The following CCDC146 variants were observed in gnomAD, a reference collection of about 807,000 sequenced individuals.
The protein encoded by CCDC146 is coiled-coil domain containing 146, also known as coiled-coil domain-containing protein 146.
A neutral mutation model predicts 119.3 loss-of-function variants in CCDC146; 92 were observed. The observed-to-expected ratio is 0.77, with a 90% CI of 0.65 to 0.92. The LOEUF is 0.92. Among genes scored for constraint, CCDC146 ranks in the 40% least tolerant of loss-of-function variants. The probability of loss-of-function intolerance (pLI) is 0.00; values close to 1 mark genes in which losing one functional copy is unlikely to be tolerated. For synonymous variants in CCDC146, 372 were observed against 371.8 expected (o/e 1.00, Z -0.01); for missense variants, 1,000 against 1,103.0 (o/e 0.91, Z 1.32).
chr7:77,164,529 G>C (rs1004757471), intron 1 of CCDC146, among the ~76,000 whole-genome samples: 4 of 152,208 alleles, frequency 2.6e-5, no homozygotes, highest in Non-Finnish European at 5.9e-5. Flanking sequence ...GGAGCCTCCT[G>C]ATGGAAGTAT....
At chr7:77,207,209 A>G (rs1792097032) in intron 2 of CCDC146, among the ~76,000 whole-genome samples, 1 of 152,212 alleles carries the variant, frequency 6.6e-6, no homozygotes, top group Non-Finnish European at 1.5e-5. Context: ...GATTGAAAGT[A>G]TAGCATTCTG....
intron 2 of CCDC146, among the ~76,000 whole-genome samples, chr7:77,184,833 C>T (rs1791639501): frequency 1.3e-5 from 2 of 152,132 alleles, no homozygotes; most frequent in South Asian, 4.1e-4. Context: ...TGAAATATCT[C>T]CTGTTAGCAA....
intron 4 of CCDC146, among the ~76,000 whole-genome samples, chr7:77,246,688 A>G (rs1358702369): frequency 6.6e-6 from 1 of 152,216 alleles, no homozygotes; most frequent in Non-Finnish European, 1.5e-5. Context: ...CTGAATTCTC[A>G]AAAAATGTGG....
At chr7:77,184,226 A>G (rs1324951337) in intron 2 of CCDC146, among the ~76,000 whole-genome samples, 3 of 152,248 alleles carry the variant, frequency 2.0e-5, no homozygotes, top group Non-Finnish European at 4.4e-5. Context: ...TGTTTCACAC[A>G]TTATATATTC....
chr7:77,199,069 A>C, intron 2 of CCDC146: 1 of 919,006 alleles, frequency 1.1e-6, no homozygotes. Context: ...TTGATAAATA[A>C]AAGACTTAAT....
chr7:77,176,114 C>T (rs1397463232), intron 2 of CCDC146, among the ~76,000 whole-genome samples: 1 of 151,100 alleles, frequency 6.6e-6, no homozygotes, highest in African/African-American at 2.5e-5. Context: ...CATGTATGCA[C>T]ATACTTGGAA....
Position 77,294,668 on chromosome 7 carries a change from C to G in CCDC146, c.2670C>G (p.Phe890Leu), listed in dbSNP as rs1256354866. The G allele has an allele frequency of 6.2e-7, 1 of 1,614,082 alleles. No homozygotes were observed. Among genetic ancestry groups the G allele is most frequent in the Non-Finnish European group, 8.5e-7 (1 of 1,179,948 alleles). Residue 890 changes from phenylalanine to leucine, a missense_variant, in exon 19 of 19, where the codon TTC becomes TTG. Physicochemically the swap from Phe to Leu is conservative, Grantham distance 22. Transcript: ENST00000285871. ...GGAAAAATCATTCTTTGCAGGAGTT[C>G]TTGGAAGCAGATAATCGCCAGCTGC... ...ALAIAEKSQE[F>L]LEADNRQLPN... is the part of the protein sequence containing the mutation.
chr7:77,283,437 A>G (rs1793796626), intron 15 of CCDC146, among the ~76,000 whole-genome samples: 2 of 152,188 alleles, frequency 1.3e-5, no homozygotes, highest in African/African-American at 4.8e-5. Context: ...TAAAATAAAA[A>G]CTGTGTAGCC....
At chr7:77,227,461 A>G (rs958597899) in intron 2 of CCDC146, among the ~76,000 whole-genome samples, 37 of 152,252 alleles carry the variant, frequency 2.4e-4, no homozygotes, top group Middle Eastern at 6.8e-3. Context: ...GCCTGCCACC[A>G]CGCCCGGCTA....
At chr7:77,161,001 G>T (rs1402628589) in intron 1 of CCDC146, among the ~76,000 whole-genome samples, 1 of 152,150 alleles carries the variant, frequency 6.6e-6, no homozygotes, top group Admixed American at 6.5e-5. Context: ...CTTCACAAAA[G>T]AAGACATTTA....
intron 2 of CCDC146, among the ~76,000 whole-genome samples, chr7:77,217,229 A>G (rs554245514): frequency 1.3e-5 from 2 of 152,186 alleles, no homozygotes; most frequent in African/African-American, 2.4e-5. Context: ...GATGGGCAAG[A>G]GAGACAGACA....
intron 1 of CCDC146, among the ~76,000 whole-genome samples, chr7:77,129,145 T>C (rs1790748150): frequency 6.6e-6 from 1 of 152,080 alleles, no homozygotes; most frequent in South Asian, 2.1e-4. Context: ...GGAAATAACT[T>C]GTAAATTTTA....
intron 2 of CCDC146, among the ~76,000 whole-genome samples, chr7:77,223,329 A>G (rs1792441596): frequency 6.6e-6 from 1 of 152,254 alleles, no homozygotes; most frequent in Non-Finnish European, 1.5e-5. Flanking sequence ...GCAACTTTGA[A>G]GTCATACATG....
intron 1 of CCDC146, among the ~76,000 whole-genome samples, chr7:77,154,432 A>C (rs1435776793): frequency 2.0e-5 from 3 of 151,050 alleles, no homozygotes; most frequent in Admixed American, 6.6e-5. Flanking sequence ...CATTAGGTAT[A>C]TCTCCTAATG....
At chr7:77,254,201 G>T (rs188534995) in intron 4 of CCDC146, among the ~76,000 whole-genome samples, 60 of 152,284 alleles carry the variant, frequency 3.9e-4, no homozygotes, top group Non-Finnish European at 6.9e-4. Flanking sequence ...TAACATAAAG[G>T]AGAAAAAGCC....
chr7:77,233,112 G>A (rs3114305), intron 2 of CCDC146, among the ~76,000 whole-genome samples: 99,245 of 147,706 alleles, frequency 0.67, 34,529 homozygotes, highest in South Asian at 0.8. Context: ...TTTTTTAGAC[G>A]GAATCTCACT....
intron 11 of CCDC146, among the ~76,000 whole-genome samples, chr7:77,274,955 C>A (rs1793603607): frequency 6.6e-6 from 1 of 151,218 alleles, no homozygotes; most frequent in African/African-American, 2.4e-5. Flanking sequence ...TGCAGCACAC[C>A]AACATGGCAC....
intron 2 of CCDC146, among the ~76,000 whole-genome samples, chr7:77,184,579 C>A (rs1791635785): frequency 6.6e-6 from 1 of 152,170 alleles, no homozygotes; most frequent in Non-Finnish European, 1.5e-5. Context: ...AAGGACTTTG[C>A]TGTTTACACA....
At chr7:77,150,124 C>A (rs1451875206) in intron 1 of CCDC146, among the ~76,000 whole-genome samples, 1 of 151,666 alleles carries the variant, frequency 6.6e-6, no homozygotes, top group Non-Finnish European at 1.5e-5. Context: ...AATCTTATGA[C>A]CTTGGGTTTG....
Sources: allele counts gnomAD v4.1 joint callset (sites outside exome capture counted in the v4.1 genomes callset), GRCh38; gene constraint gnomAD v4.1.1; transcripts MANE v1.5; gene names NCBI Gene and HGNC (gene_info 2026-07-23, HGNC 2026-07-21).